The following APIP variants were observed in gnomAD, a reference collection of about 807,000 sequenced individuals.
APIP encodes the protein APAF1 interacting protein, also known as methylthioribulose-1-phosphate dehydratase.
APIP carries 32 observed loss-of-function variants against 32.0 expected under a neutral mutation model. That is an observed-to-expected ratio of 1.00 (90% CI 0.76 to 1.34). The LOEUF (loss-of-function observed/expected upper bound fraction) is 1.34, where lower values mean the gene tolerates loss of function less well. Ranked by LOEUF, APIP falls within the 40% of genes most tolerant of loss-of-function variation. The pLI is 0.00. For missense variants in APIP, 247 were observed against 298.6 expected (o/e 0.83, Z 1.27); for synonymous variants, 92 against 94.8 (o/e 0.97, Z 0.17).
intron 6 of APIP, among the ~76,000 whole-genome samples, chr11:34,883,082 T>A (rs1161740922): frequency 2.0e-5 from 3 of 152,226 alleles, no homozygotes; most frequent in Non-Finnish European, 4.4e-5. Context: ...ACATTTTTTT[T>A]AAACTAGATG....
chr11:34,903,748 A>G (rs1471147790), intron 1 of APIP, among the ~76,000 whole-genome samples: 1 of 152,170 alleles, frequency 6.6e-6, no homozygotes. Context: ...CATAAGAGAA[A>G]TTAAACCTCA....
intron 1 of APIP, among the ~76,000 whole-genome samples, chr11:34,898,944 G>C (rs1003080428): frequency 6.6e-6 from 1 of 151,874 alleles, no homozygotes; most frequent in Non-Finnish European, 1.5e-5. Flanking sequence ...GACTACAGGC[G>C]CCCGCCACCG....
rs114116794 is a variant in APIP at position 34,888,938 on chromosome 11, T to C, written c.208-69A>G. The stretch of plus-strand genomic sequence containing the variant: ...ATATCAATTAGAAATGTTCCTTTTC[T>C]TGTGTACATATACATAAGAATACAA... On this transcript the variant is annotated intron_variant, in intron 3 of 6. Coordinates refer to ENST00000395787, the MANE Select transcript of APIP (RefSeq NM_015957.4). 7.9e-4 allele frequency: 725 copies of C among 917,008 alleles called. 3 individuals are homozygous for C. The African/African-American group carries it at 0.011, about 14-fold the overall frequency. The allele number at this position is 917,008 out of a possible 1,614,324, so 56.8% of individuals were successfully genotyped here.
At chr11:34,888,920 T>C (rs746405079) in intron 3 of APIP, 51 bp from the exon 4 acceptor site, 1 of 1,084,578 alleles carries the variant, frequency 9.2e-7, no homozygotes, top group Admixed American at 3.0e-5. Context: ...AAAATATCAA[T>C]TAGAAATGTT....
chr11:34,901,978 C>T lies in APIP; in HGVS notation c.58-6868G>A, dbSNP rs371975905. On this transcript the variant is annotated intron_variant, in intron 1 of 6. Transcript: ENST00000395787. ...AAACCCTTTAATAGCCCCTGCAACACCCCAATATTAGGAGTGCAGAAGCCC... is the reference window on the plus strand; with the variant it reads ...AAACCCTTTAATAGCCCCTGCAACATCCCAATATTAGGAGTGCAGAAGCCC... 3.9e-5 allele frequency among the ~76,000 whole-genome samples: 6 copies of T among 152,242 alleles called. No homozygotes were observed. In the East Asian group the frequency reaches 1.2e-3, roughly 29 times the overall value.
At chr11:34,883,898 A>G (rs188677792) in intron 5 of APIP, among the ~76,000 whole-genome samples, 1 of 152,326 alleles carries the variant, frequency 6.6e-6, no homozygotes, top group East Asian at 1.9e-4. Flanking sequence ...ATATATTAAG[A>G]ATTTCCCAAT....
chr11:34,900,831 T>C (rs2985384), intron 1 of APIP, among the ~76,000 whole-genome samples: 53,859 of 151,850 alleles, frequency 0.35, 10,249 homozygotes, highest in East Asian at 0.74. Context: ...AGAGGGCCCA[T>C]GGAAAACCAG....
At chr11:34,895,468 T>A (rs1853254101) in intron 1 of APIP, among the ~76,000 whole-genome samples, 1 of 152,198 alleles carries the variant, frequency 6.6e-6, no homozygotes, top group Non-Finnish European at 1.5e-5. Flanking sequence ...GAAGATTTAT[T>A]TACACAAAAC....
At chr11:34,887,483 A>G (rs1853097824) in intron 5 of APIP, among the ~76,000 whole-genome samples, 1 of 152,210 alleles carries the variant, frequency 6.6e-6, no homozygotes, top group Non-Finnish European at 1.5e-5. Flanking sequence ...ATTAACTGAA[A>G]TCAAATCAAT....
chr11:34,882,875 A>C, intron 6 of APIP, 59 bp from the exon 7 acceptor site: 1 of 1,171,412 alleles, frequency 8.5e-7, no homozygotes, highest in Non-Finnish European at 1.2e-6. Context: ...TCCAATCCTA[A>C]AGAATCACAT....
At chr11:34,912,548 A>G (rs1853572055) in intron 1 of APIP, among the ~76,000 whole-genome samples, 1 of 152,206 alleles carries the variant, frequency 6.6e-6, no homozygotes, top group South Asian at 2.1e-4. Flanking sequence ...AGGAGGATTA[A>G]CATTTTGAGT....
Position 34,895,045 on chromosome 11 carries a change from G to A in APIP, c.123C>T (p.Val41=). The A allele has an allele frequency of 1.2e-6, 2 of 1,614,048 alleles. No homozygotes were observed. ...LCKQFYHLGW[V]TGTGGGISLK... ...AGCTAATTCCTCCTCCAGTCCCAGT[G>A]ACCCAGCCTAAATGGTAAAACTGTT... The change falls in exon 2 of 7, where the codon GTC becomes GTT. Residue 41 remains valine, a synonymous_variant. Transcript: ENST00000395787.
chr11:34,911,421 C>A (rs1853549177), intron 1 of APIP, among the ~76,000 whole-genome samples: 1 of 152,182 alleles, frequency 6.6e-6, no homozygotes, highest in East Asian at 1.9e-4. Flanking sequence ...TATAGCTATA[C>A]CTACCACAGT....
chr11:34,892,567 G>A (rs1033358121), intron 2 of APIP, among the ~76,000 whole-genome samples: 1 of 152,138 alleles, frequency 6.6e-6, no homozygotes, highest in Non-Finnish European at 1.5e-5. Context: ...GTGAAAACAG[G>A]AAATTATAAA....
chr11:34,893,645 C>A (rs1206544086), intron 2 of APIP, among the ~76,000 whole-genome samples: 2 of 152,188 alleles, frequency 1.3e-5, no homozygotes, highest in Admixed American at 6.5e-5. Flanking sequence ...CCATATGGAA[C>A]ATAATCTTAC....
chr11:34,913,962 A>C (rs1853603072), intron 1 of APIP, among the ~76,000 whole-genome samples: 1 of 152,206 alleles, frequency 6.6e-6, no homozygotes, highest in East Asian at 1.9e-4. Context: ...ATGTTCCAGA[A>C]CACCAAACTT....
chr11:34,894,516 G>A (rs1032740248), intron 2 of APIP, among the ~76,000 whole-genome samples: 1 of 150,768 alleles, frequency 6.6e-6, no homozygotes, highest in African/African-American at 2.4e-5. Flanking sequence ...AGGCGTGGTC[G>A]CACATGCCTG....
chr11:34,910,450 GT>G (rs1853528242), intron 1 of APIP, among the ~76,000 whole-genome samples: 4 of 152,150 alleles, frequency 2.6e-5, no homozygotes, highest in Non-Finnish European at 4.4e-5. Flanking sequence ...AATTAAGACA[GT>G]TTTCTGTTAC....
Position 34,883,452 on chromosome 11 carries a change from C to T in APIP, c.514G>A (p.Asp172Asn), listed in dbSNP as rs780043708. Residue 172 changes from aspartate to asparagine, a missense_variant, in exon 6 of 7, where the codon GAC becomes AAC. Physicochemically the swap from Asp to Asn is conservative, Grantham distance 23. Coordinates refer to ENST00000395787, the MANE Select transcript of APIP (RefSeq NM_015957.4). ...GCATGAGCCATTCTATCTTTGAGGT[C>T]TTTCTCCTCAGGTGTATTCTCAATA... ...PIIENTPEEK[D>N]LKDRMAHAMN... 3 of 1,613,904 alleles carry T rather than the reference C, an allele frequency of 1.9e-6. No individual in the cohort carries two copies. The African/African-American group carries it at 4.0e-5, about 22-fold the overall frequency.
Sources: gnomAD v4.1 joint callset for allele counts (sites outside exome capture counted in the v4.1 genomes callset) on GRCh38, gnomAD v4.1.1 for gene constraint, MANE v1.5 for transcripts, NCBI Gene and HGNC (gene_info 2026-07-23, HGNC 2026-07-21) for gene names.